Variants in BRD10 observed in about 807,000 individuals in gnomAD.
BRD10 encodes the protein uncharacterized bromodomain-containing protein 10.
At chr9:5,994,517 T>C in the BRD10 span, among the ~76,000 whole-genome samples, 1 of 152,220 alleles carries the variant, frequency 6.6e-6, no homozygotes, top group African/African-American at 2.4e-5. Context: ...CATTACCTTA[T>C]TCCCCCTGAA....
At chr9:6,007,066 G>A in the BRD10 span, 1 of 916,902 alleles carries the variant, frequency 1.1e-6, no homozygotes, top group Non-Finnish European at 1.6e-6. Context: ...CCTCCTCCCG[G>A]GCTTCTCCAG....
chr9:5,920,440 C>T, the BRD10 span: 13 of 1,613,906 alleles, frequency 8.1e-6, no homozygotes, highest in African/African-American at 4.0e-5. Context: ...GTGCCGAAGC[C>T]GTGTGAATGG....
the BRD10 span, among the ~76,000 whole-genome samples, chr9:5,914,874 G>C: frequency 2.6e-5 from 4 of 152,002 alleles, no homozygotes; most frequent in Non-Finnish European, 5.9e-5. Context: ...ATCATGGAGA[G>C]ACACAAATCA....
chr9:5,997,788 A>C, the BRD10 span, among the ~76,000 whole-genome samples: 2 of 152,052 alleles, frequency 1.3e-5, no homozygotes, highest in Admixed American at 1.3e-4. Context: ...ATATTAACTA[A>C]GCACTTATAG....
chr9:5,898,533 A>G, the BRD10 span, among the ~76,000 whole-genome samples: 3 of 152,162 alleles, frequency 2.0e-5, no homozygotes, highest in Admixed American at 1.3e-4. Context: ...CATTCAAACT[A>G]TAGCACCTGT....
At chr9:6,003,087 T>C in the BRD10 span, among the ~76,000 whole-genome samples, 1 of 152,180 alleles carries the variant, frequency 6.6e-6, no homozygotes, top group Non-Finnish European at 1.5e-5. Context: ...AGCCTTTTTA[T>C]CCCATACATG....
chr9:5,987,135 C>G, the BRD10 span, among the ~76,000 whole-genome samples: 1 of 152,162 alleles, frequency 6.6e-6, no homozygotes, highest in African/African-American at 2.4e-5. Flanking sequence ...AGAGCTAAAC[C>G]TGGCAAATAC....
the BRD10 span, among the ~76,000 whole-genome samples, chr9:5,906,634 G>A: frequency 6.6e-6 from 1 of 152,086 alleles, no homozygotes; most frequent in African/African-American, 2.4e-5. Flanking sequence ...CCAACTATTG[G>A]GTCCCAGGTA....
the BRD10 span, among the ~76,000 whole-genome samples, chr9:5,973,416 G>A: frequency 1.3e-5 from 2 of 152,134 alleles, no homozygotes; most frequent in Non-Finnish European, 2.9e-5. Flanking sequence ...GCAGTGAGCT[G>A]AGATCACACC....
chr9:5,897,176 C>G, the BRD10 span, among the ~76,000 whole-genome samples: 1 of 152,290 alleles, frequency 6.6e-6, no homozygotes, highest in East Asian at 1.9e-4. Flanking sequence ...TTTCTATTTT[C>G]TCTTTGTGGG....
the BRD10 span, among the ~76,000 whole-genome samples, chr9:5,942,407 A>G: frequency 1.3e-5 from 2 of 152,232 alleles, no homozygotes; most frequent in Admixed American, 6.5e-5. Context: ...GTAAACATAC[A>G]TAACATATAA....
the BRD10 span, among the ~76,000 whole-genome samples, chr9:5,936,547 C>T: frequency 1.7e-3 from 261 of 152,090 alleles, no homozygotes; most frequent in African/African-American, 6.0e-3. Flanking sequence ...TCTATTTAGG[C>T]TCCTTTGTGC....
chr9:5,892,368 G>C, the BRD10 span: 4 of 932,838 alleles, frequency 4.3e-6, no homozygotes, highest in African/African-American at 3.4e-5. Context: ...CACCTAGTGA[G>C]GATGCTGTTG....
At chr9:5,992,813 C>T in the BRD10 span, among the ~76,000 whole-genome samples, 2 of 151,288 alleles carry the variant, frequency 1.3e-5, no homozygotes, top group African/African-American at 4.9e-5. Context: ...AAAATTATTA[C>T]AATAAGTCTT....
At chr9:5,988,621 G>T in the BRD10 span, 1 of 1,071,868 alleles carries the variant, frequency 9.3e-7, no homozygotes, top group Non-Finnish European at 1.4e-6. Flanking sequence ...AGCAACTTAA[G>T]AATCCCTTTT....
the BRD10 span, chr9:5,920,083 C>T: frequency 6.2e-7 from 1 of 1,613,874 alleles, no homozygotes; most frequent in Non-Finnish European, 8.5e-7. Context: ...AACTTGCATT[C>T]CCAAAAGAGT....
At chr9:5,961,949 T>C in the BRD10 span, among the ~76,000 whole-genome samples, 1 of 96,430 alleles carries the variant, frequency 1.0e-5, no homozygotes, top group Non-Finnish European at 3.0e-5. Context: ...TCATTGATTT[T>C]TTGAAGGGTT....
the BRD10 span, among the ~76,000 whole-genome samples, chr9:5,943,142 G>A: frequency 1.3e-5 from 2 of 152,058 alleles, no homozygotes; most frequent in Non-Finnish European, 2.9e-5. Context: ...CTCCCAAAGT[G>A]CTAAATTTAT....
the BRD10 span, among the ~76,000 whole-genome samples, chr9:5,965,037 C>T: frequency 7.6e-6 from 1 of 132,250 alleles, no homozygotes; most frequent in Non-Finnish European, 1.6e-5. Context: ...GCACATGTAC[C>T]CTAAAACTTA....
Sources: gnomAD v4.1 joint callset for allele counts (sites outside exome capture counted in the v4.1 genomes callset) on GRCh38, gnomAD v4.1.1 for gene constraint, MANE v1.5 for transcripts, NCBI Gene and HGNC (gene_info 2026-07-23, HGNC 2026-07-21) for gene names.